Variants in CD163 observed in about 807,000 individuals in gnomAD.
The protein encoded by CD163 is scavenger receptor cysteine-rich type 1 protein M130.
CD163 carries 64 observed loss-of-function variants against 129.2 expected under a neutral mutation model. The observed-to-expected ratio is 0.50, with a 90% confidence interval of 0.41 to 0.61. CD163 has a LOEUF of 0.61. Ranked by LOEUF, CD163 falls within the 20% of genes least tolerant of loss-of-function variation. CD163 has a pLI of 0.00. For synonymous variants in CD163, 446 were observed against 478.5 expected (o/e 0.93, Z 0.89); for missense variants, 1,061 against 1,377.9 (o/e 0.77, Z 3.64).
chr12:7,501,339 G>A lies in CD163; in HGVS notation c.257C>T (p.Ser86Phe). ...CNNGWSMEAV[S>F]VICNQLGCPT... is the part of the protein sequence containing the mutation. Reference sequence around the variant, plus strand: ...ACATCCCAGCTGGTTACAAATCACAGAGACCGCTTCCATGCTCCAGCCATT... The same window carrying A: ...ACATCCCAGCTGGTTACAAATCACAAAGACCGCTTCCATGCTCCAGCCATT... The change falls in exon 3 of 17, where the codon TCT (serine) becomes TTT (phenylalanine). Residue 86 changes from serine to phenylalanine, a missense_variant. Coordinates refer to ENST00000432237, the MANE Select transcript of CD163 (RefSeq NM_203416.4). 6.2e-7 allele frequency: 1 copy of A among 1,614,082 alleles called. No homozygotes were observed. The highest frequency in any genetic ancestry group is 1.3e-5 in the African/African-American group (1 of 75,020).
At chr12:7,471,668 G>A (rs1269564196) in intron 16 of CD163, among the ~76,000 whole-genome samples, 1 of 151,982 alleles carries the variant, frequency 6.6e-6, no homozygotes, top group Non-Finnish European at 1.5e-5. Context: ...TGAGACCAAC[G>A]CAGAAGTCTC....
At position 7,487,636 on chromosome 12, in the gene CD163, C is replaced by T. The variant is rs751441112; in HGVS notation, c.1773G>A (p.Pro591=). 1.1e-5 allele frequency: 18 copies of T among 1,614,180 alleles called. No homozygotes were observed. Among genetic ancestry groups the T allele is most frequent in the East Asian group, 2.2e-5 (1 of 44,878 alleles). ...TEIRLVNGKT[P]CEGRVELKTL... The stretch of plus-strand genomic sequence containing the variant: ...TTTTGAGCTCCACTCTGCCCTCACA[C>T]GGGGTCTTGCCATTCACCAAGCGAA... Residue 591 remains proline (P), a synonymous_variant, in exon 8 of 17, where the codon CCG becomes CCA. Transcript: ENST00000432237. This position sits in a 1 kb window ranked among gnomAD's most constrained non-coding sequence, Gnocchi z 5.1.
At chr12:7,486,439 C>A (rs1191302426) in intron 10 of CD163, 60 bp downstream of exon 10, 3 of 1,476,118 alleles carry the variant, frequency 2.0e-6, no homozygotes, top group African/African-American at 1.4e-5. Context: ...ATACCCCTCA[C>A]TACCCTTCCT....
At chr12:7,473,843 A>G (rs948709342) in intron 16 of CD163, among the ~76,000 whole-genome samples, 3 of 152,172 alleles carry the variant, frequency 2.0e-5, no homozygotes, top group African/African-American at 7.2e-5. Context: ...CTCATGTTCA[A>G]GACACACACA....
At chr12:7,501,547 T>C in intron 2 of CD163, 85 bp from the exon 3 acceptor site, 2 of 1,013,168 alleles carry the variant, frequency 2.0e-6, no homozygotes, top group Non-Finnish European at 3.0e-6. Flanking sequence ...TATTTATCCT[T>C]CAAACTCAGA....
Position 7,490,419 on chromosome 12 carries a change from T to C in CD163, c.1421-2332A>G, listed in dbSNP as rs1949311932. 2.6e-5 allele frequency among the ~76,000 whole-genome samples: 4 copies of C among 152,008 alleles called. No individual in the cohort carries two copies. In the South Asian group the frequency reaches 8.3e-4, roughly 31 times the overall value. On this transcript the variant is annotated intron_variant, in intron 6 of 16. Coordinates refer to ENST00000432237, the MANE Select transcript of CD163 (RefSeq NM_203416.4). The stretch of plus-strand genomic sequence containing the variant: ...AAGTTAAGAAACACAATCATCAAGA[T>C]AAGTGAGTTTCTTTGAAAATACTCA...
In CD163 at chr12:7,495,166, A is replaced by G. The variant is rs1398446918; in HGVS notation, c.1335T>C (p.Asn445=). The G allele has an allele frequency of 6.2e-7, 1 of 1,614,144 alleles. No homozygotes were observed. The highest frequency in any genetic ancestry group is 8.5e-7 in the Non-Finnish European group (1 of 1,180,000). ...TWLFLSSCNG[N]ETSLWDCKNW... is the part of the protein sequence containing the mutation. ...TCTTGCAGTCCCAAAGAGAAGTTTC[A>G]TTTCCGTTACAGCTACTTAGAAACA... Residue 445 remains asparagine, a synonymous_variant, in exon 6 of 17, where the codon AAT becomes AAC. Transcript: ENST00000432237.
chr12:7,501,083 A>G, intron 3 of CD163, 56 bp downstream of exon 3: 7 of 1,486,098 alleles, frequency 4.7e-6, no homozygotes, highest in Non-Finnish European at 6.5e-6. Flanking sequence ...ACCCATCTAC[A>G]TATTTTTTTC....
intron 1 of CD163, among the ~76,000 whole-genome samples, chr12:7,503,309 C>G (rs970923064): frequency 1.3e-5 from 2 of 152,106 alleles, no homozygotes; most frequent in Non-Finnish European, 2.9e-5. Flanking sequence ...GAGTAGATAA[C>G]TTTCTTTATG....
At position 7,486,544 on chromosome 12, in the gene CD163, G is replaced by C. The variant is rs1330708267; in HGVS notation, c.2413C>G (p.Gln805Glu). The change falls in exon 10 of 17, where the codon CAG becomes GAG. Residue 805 changes from glutamine to glutamate, a missense_variant. Coordinates refer to ENST00000432237, the MANE Select transcript of CD163 (RefSeq NM_203416.4). ...IWQCHSHGWG[Q>E]QNCRHKEDAG... ...TCCTCCTTGTGCCTGCAATTTTGCT[G>C]CCCCCAGCCGTGTGAATGGCACTGC... is the stretch of plus-strand genomic sequence containing the variant. The C allele has an allele frequency of 4.3e-6, 7 of 1,614,166 alleles. No individual in the cohort carries two copies. Among genetic ancestry groups the C allele is most frequent in the Middle Eastern group, 1.7e-4 (1 of 6,058 alleles).
intron 4 of CD163, among the ~76,000 whole-genome samples, chr12:7,497,790 T>C (rs2136735819): frequency 1.3e-5 from 2 of 152,302 alleles, no homozygotes; most frequent in Middle Eastern, 6.8e-3. Context: ...CGTCAGCATG[T>C]GCTAACTGGG....
In CD163 at chr12:7,480,040, T is replaced by C. The variant is rs769279558; in HGVS notation, c.3344-127A>G. The stretch of plus-strand genomic sequence containing the variant: ...TTACTGGGAAATAAACCAGACCTCT[T>C]CTCACGTAACTGTGAGGCTCTTTGA... On this transcript the variant is annotated intron_variant, in intron 15 of 16. Transcript: ENST00000432237. The C allele has an allele frequency of 7.6e-6, 12 of 1,579,070 alleles. No individual in the cohort carries two copies. The Admixed American group carries it at 1.3e-4, about 17-fold the overall frequency.
rs771413158 is a variant in CD163 at position 7,483,518 on chromosome 12, G to T, written c.2937C>A (p.Phe979Leu). 2 of 1,613,852 alleles carry T rather than the reference G, an allele frequency of 1.2e-6. No individual in the cohort carries two copies. The highest frequency in any genetic ancestry group is 1.7e-5 in the Admixed American group (1 of 59,996). ...QLGCGPALKAFKEAEFGQGTG... is the reference protein window; with the variant it reads ...QLGCGPALKALKEAEFGQGTG... ...TCCCCTGACCAAACTCTGCTTCTTT[G>T]AATGCTTTCAAAGCTGGACCACAGC... is the stretch of plus-strand genomic sequence containing the variant. The change falls in exon 12 of 17, where the codon TTC becomes TTA. Residue 979 changes from phenylalanine (F) to leucine (L), a missense_variant. Physicochemically the swap from Phe to Leu is conservative, Grantham distance 22 (BLOSUM62 0). Transcript: ENST00000432237.
At position 7,489,723 on chromosome 12, in the gene CD163, C is replaced by G. The variant is rs1017403182; in HGVS notation, c.1421-1636G>C. Among the ~76,000 whole-genome samples the G allele has an allele frequency of 3.9e-5, 6 of 151,996 alleles. No individual in the cohort carries two copies. The South Asian group carries it at 8.3e-4, about 21-fold the overall frequency. On this transcript the variant is annotated intron_variant, in intron 6 of 16. Coordinates refer to ENST00000432237, the MANE Select transcript of CD163 (RefSeq NM_203416.4). ...CTGTGAGGTAGGCCCTATTACCACT[C>G]CCATTTTTCTTCTGAGCAAACTGCA...
At position 7,485,744 on chromosome 12, in the gene CD163, G is replaced by A. The variant is rs1949238893; in HGVS notation, c.2459-328C>T. ...TTCTCCTTTTTTTGCAACTGTCTTT[G>A]ATAGTTAAAATTGTTAGACACTCAG... On this transcript the variant is annotated intron_variant, in intron 10 of 16. Transcript: ENST00000432237. The surrounding 1 kb of genome is among the most constrained non-coding windows in gnomAD (Gnocchi z 4.5). Among the ~76,000 whole-genome samples, 1 of 151,802 alleles carries A rather than the reference G, an allele frequency of 6.6e-6. No homozygotes were observed. Among genetic ancestry groups the A allele is most frequent in the African/African-American group, 2.4e-5 (1 of 41,308 alleles).
At chr12:7,500,641 A>G (rs888097252) in intron 3 of CD163, among the ~76,000 whole-genome samples, 2 of 152,276 alleles carry the variant, frequency 1.3e-5, no homozygotes, top group Middle Eastern at 3.4e-3. Flanking sequence ...ACACTGGTCA[A>G]GCAATTATAC....
At position 7,483,366 on chromosome 12, in the gene CD163, C is replaced by G. The variant is rs112063621; in HGVS notation, c.3088+1G>C. 1 of 1,609,704 alleles carries G rather than the reference C, an allele frequency of 6.2e-7. No individual in the cohort carries two copies. The highest frequency in any genetic ancestry group is 1.3e-5 in the African/African-American group (1 of 74,904). On this transcript the variant is annotated splice_donor_variant, in intron 12 of 16. Transcript: ENST00000432237. LOFTEE classifies it high-confidence loss of function. ...GCTCAATCCAGGCTTCTGGCACTTACCTGTGCAATTCACTGCAGCGTCTTC... is the reference window on the plus strand; with the variant it reads ...GCTCAATCCAGGCTTCTGGCACTTAGCTGTGCAATTCACTGCAGCGTCTTC...
chr12:7,495,831 G>A lies in CD163; in HGVS notation c.1100-430C>T, dbSNP rs114688544. ...ATTAAAAAGTCTGGAAACAACAGAT[G>A]TTGGCAAGGATGTAGAGAAATAGGA... On this transcript the variant is annotated intron_variant, in intron 5 of 16. Transcript: ENST00000432237. 8.8e-3 allele frequency among the ~76,000 whole-genome samples: 1,341 copies of A among 152,302 alleles called. 22 individuals carry two copies. Among genetic ancestry groups the A allele is most frequent in the African/African-American group, 0.03 (1,240 of 41,558 alleles).
At chr12:7,501,571 C>T in intron 2 of CD163, 109 bp from the exon 3 acceptor site, 3 of 751,134 alleles carry the variant, frequency 4.0e-6, no homozygotes, top group Non-Finnish European at 6.7e-6. Context: ...GAGAACCATC[C>T]TAGTCCTATC....
Sources: allele counts gnomAD v4.1 joint callset (sites outside exome capture counted in the v4.1 genomes callset), GRCh38; gene constraint gnomAD v4.1.1; non-coding constraint Gnocchi (gnomAD v3.1); transcripts MANE v1.5; gene names NCBI Gene and HGNC (gene_info 2026-07-23, HGNC 2026-07-21).